OR2I1: variants seen among roughly 807,000 people sequenced by gnomAD.
The protein encoded by OR2I1 is olfactory receptor family 2 subfamily I member 1 (gene/pseudogene), also known as putative olfactory receptor 2I1.
At chr6:29,556,469 G>A in the OR2I1 span, 1 of 660,690 alleles carries the variant, frequency 1.5e-6, no homozygotes, top group Non-Finnish European at 2.6e-6. Context: ...CTCCTATTCA[G>A]TAGCCAGTGT....
the OR2I1 span, among the ~76,000 whole-genome samples, chr6:29,551,042 T>C: frequency 6.6e-6 from 1 of 152,202 alleles, no homozygotes; most frequent in Non-Finnish European, 1.5e-5. Context: ...TTTTGGGGAA[T>C]TTGTGCATAC....
At chr6:29,557,481 T>C in the OR2I1 span, 1 of 152,248 alleles carries the variant, frequency 6.6e-6, no homozygotes. Context: ...CTAACTGTAA[T>C]GCAATTAAAT....
the OR2I1 span, chr6:29,553,599 C>A: frequency 2.5e-6 from 1 of 398,418 alleles, no homozygotes. Context: ...CAGTGTGCCG[C>A]CCGCTGCGCT....
chr6:29,551,165 G>A, the OR2I1 span, among the ~76,000 whole-genome samples: 4 of 152,180 alleles, frequency 2.6e-5, no homozygotes, highest in Non-Finnish European at 4.4e-5. Flanking sequence ...TTATGTGTCC[G>A]TGTAATCACC....
At chr6:29,553,574 T>C in the OR2I1 span, 1 of 398,348 alleles carries the variant, frequency 2.5e-6, no homozygotes, top group African/African-American at 2.1e-5. Context: ...GTGATGGCTC[T>C]GGACCGCGCG....
chr6:29,551,500 T>C, the OR2I1 span, among the ~76,000 whole-genome samples: 1 of 152,266 alleles, frequency 6.6e-6, no homozygotes, highest in Admixed American at 6.5e-5. Flanking sequence ...GGCTATTGCC[T>C]AATATTCAAG....
At chr6:29,553,146 G>A in the OR2I1 span, 5 of 398,080 alleles carry the variant, frequency 1.3e-5, no homozygotes, top group Non-Finnish European at 2.2e-5. Context: ...ACACTCCAAG[G>A]TTTTCCCTTT....
the OR2I1 span, chr6:29,550,614 T>C: frequency 6.6e-6 from 1 of 152,246 alleles, no homozygotes; most frequent in Non-Finnish European, 1.5e-5. Context: ...GGTTCTTTCT[T>C]ACCCGTTCTT....
chr6:29,553,983 C>T, the OR2I1 span: 2 of 398,268 alleles, frequency 5.0e-6, no homozygotes, highest in Non-Finnish European at 8.8e-6. Context: ...ACGGCTCGGC[C>T]ATCTACACCT....
chr6:29,556,316 G>GC, the OR2I1 span: 2 of 1,612,658 alleles, frequency 1.2e-6, no homozygotes, highest in Non-Finnish European at 1.7e-6. Context: ...GGCATCAAAG[G>GC]TCATTAAATC....
the OR2I1 span, chr6:29,553,623 C>T: frequency 3.8e-3 from 1,505 of 398,402 alleles, 49 homozygotes; most frequent in East Asian, 0.045. Flanking sequence ...CGGGGCTCGT[C>T]TCCCCGCGCC....
At chr6:29,555,220 A>G in the OR2I1 span, 1 of 152,264 alleles carries the variant, frequency 6.6e-6, no homozygotes, top group Non-Finnish European at 1.5e-5. Flanking sequence ...CATCATCCCC[A>G]GAAATAATAA....
the OR2I1 span, chr6:29,552,946 CATAA>C: frequency 6.8e-6 from 2 of 295,996 alleles, no homozygotes; most frequent in Non-Finnish European, 1.2e-5. Flanking sequence ...TGAACTGTTG[CATAA>C]ATAAACACAG....
At chr6:29,556,021 G>A in the OR2I1 span, 21 of 1,612,914 alleles carry the variant, frequency 1.3e-5, no homozygotes, top group African/African-American at 8.0e-5. Flanking sequence ...TCTTAGTCTC[G>A]ATCATTGCTT....
the OR2I1 span, chr6:29,553,189 G>T: frequency 7.5e-6 from 3 of 398,418 alleles, no homozygotes; most frequent in South Asian, 3.9e-4. Context: ...TTTTTATTTC[G>T]ACCTTCCAAA....
the OR2I1 span, chr6:29,557,389 C>T: frequency 6.6e-6 from 1 of 152,156 alleles, no homozygotes; most frequent in African/African-American, 2.4e-5. Flanking sequence ...GACCACTGAC[C>T]ATGGACTGGT....
At chr6:29,556,392 C>T in the OR2I1 span, 2 of 1,484,328 alleles carry the variant, frequency 1.3e-6, no homozygotes, top group Non-Finnish European at 9.3e-7. Flanking sequence ...AGGATGCCTG[C>T]CTCCTTTACA....
chr6:29,557,050 T>C, the OR2I1 span: 1 of 152,196 alleles, frequency 6.6e-6, no homozygotes, highest in Non-Finnish European at 1.5e-5. Flanking sequence ...TAGACACAAC[T>C]GACCAGCAAA....
the OR2I1 span, chr6:29,554,053 AC>A: frequency 2.5e-6 from 1 of 398,864 alleles, no homozygotes; most frequent in Non-Finnish European, 4.4e-6. Flanking sequence ...GCTCTTCTAC[AC>A]CGTGGTCACA....
Sources: gnomAD v4.1 joint callset for allele counts (sites outside exome capture counted in the v4.1 genomes callset) on GRCh38, gnomAD v4.1.1 for gene constraint, MANE v1.5 for transcripts, NCBI Gene and HGNC (gene_info 2026-07-23, HGNC 2026-07-21) for gene names.